Variants in TNFAIP8 observed in about 807,000 individuals in gnomAD.
The protein encoded by TNFAIP8 is TNF alpha induced protein 8, also known as tumor necrosis factor alpha-induced protein 8.
TNFAIP8 carries 7 observed loss-of-function variants against 13.3 expected under a neutral mutation model. The ratio of observed to expected loss-of-function variants is 0.52; its 90% confidence interval spans 0.30 to 0.99. The LOEUF (loss-of-function observed/expected upper bound fraction) is 0.99. Ranked by LOEUF, TNFAIP8 falls within the 50% of genes least tolerant of loss-of-function variation. The pLI is 0.07. For missense variants in TNFAIP8, 258 were observed against 236.9 expected (o/e 1.09, Z -0.58); for synonymous variants, 94 against 87.6 (o/e 1.07, Z -0.41).
chr5:119,390,119 A>C (rs1350373975), intron 1 of TNFAIP8, among the ~76,000 whole-genome samples: 1 of 152,234 alleles, frequency 6.6e-6, no homozygotes, highest in East Asian at 1.9e-4. Context: ...TCAATATTTC[A>C]CAACATAAAG....
At chr5:119,369,428 T>G (rs545462673) in intron 1 of TNFAIP8, among the ~76,000 whole-genome samples, 20 of 152,210 alleles carry the variant, frequency 1.3e-4, no homozygotes, top group African/African-American at 4.8e-4. Flanking sequence ...TCAAGACTCT[T>G]GGACCTGAAA....
intron 1 of TNFAIP8, among the ~76,000 whole-genome samples, chr5:119,347,297 A>G (rs1041530320): frequency 2.0e-5 from 3 of 152,208 alleles, no homozygotes; most frequent in Admixed American, 6.5e-5. Flanking sequence ...ATGGTAGCCA[A>G]TGTACCCATT....
At chr5:119,296,133 A>C (rs1475129312) in intron 1 of TNFAIP8, among the ~76,000 whole-genome samples, 18 of 149,004 alleles carry the variant, frequency 1.2e-4, no homozygotes, top group Non-Finnish European at 2.4e-4. Context: ...TCTCCTGCCT[A>C]ATTGCCCTGG....
intron 1 of TNFAIP8, among the ~76,000 whole-genome samples, chr5:119,344,214 C>G (rs1229852504): frequency 6.6e-6 from 1 of 152,194 alleles, no homozygotes; most frequent in Non-Finnish European, 1.5e-5. Context: ...GTTGAGGCTT[C>G]AGGAAGTTTT....
At chr5:119,309,486 C>T (rs542081087) in intron 1 of TNFAIP8, among the ~76,000 whole-genome samples, 1 of 152,238 alleles carries the variant, frequency 6.6e-6, no homozygotes, top group East Asian at 1.9e-4. Context: ...GTGGCTCGCT[C>T]CAGCACATTC....
At chr5:119,327,849 G>T (rs1338407225) in intron 1 of TNFAIP8, among the ~76,000 whole-genome samples, 1 of 152,158 alleles carries the variant, frequency 6.6e-6, no homozygotes, top group Admixed American at 6.5e-5. Flanking sequence ...GAGAAATTAA[G>T]TTACTATTTC....
At chr5:119,349,904 T>C (rs1751054197) in intron 1 of TNFAIP8, among the ~76,000 whole-genome samples, 1 of 152,236 alleles carries the variant, frequency 6.6e-6, no homozygotes, top group Non-Finnish European at 1.5e-5. Context: ...TTGGATTTTA[T>C]AGGAACAGTT....
intron 1 of TNFAIP8, among the ~76,000 whole-genome samples, chr5:119,301,022 AGTT>A (rs1458509674): frequency 3.9e-5 from 6 of 152,190 alleles, no homozygotes; most frequent in African/African-American, 1.4e-4. Context: ...TAGTGGAAAC[AGTT>A]GTTTGCAATT....
rs887453548 is a variant in TNFAIP8 at position 119,278,392 on chromosome 5, T to A, written c.1+9485T>A. On this transcript the variant is annotated intron_variant, in intron 1 of 1. Coordinates refer to the TNFAIP8 transcript ENST00000274456. ...GAGAGAGAGAGTGTGTGTGTGTGTGTGTGTGTGTGTGTGTGTGTGTGTGTG... is the reference window on the plus strand; with the variant it reads ...GAGAGAGAGAGTGTGTGTGTGTGTGAGTGTGTGTGTGTGTGTGTGTGTGTG... Among the ~76,000 whole-genome samples, 195 of 149,436 alleles carry A rather than the reference T, an allele frequency of 1.3e-3. 1 individual carries two copies. Among genetic ancestry groups the A allele is most frequent in the African/African-American group, 4.1e-3 (163 of 39,746 alleles).
intron 1 of TNFAIP8, among the ~76,000 whole-genome samples, chr5:119,378,694 C>G (rs187489537): frequency 3.7e-4 from 56 of 152,250 alleles, no homozygotes; most frequent in African/African-American, 1.3e-3. Context: ...GCTGGTTATT[C>G]TGTATGTTTT....
At chr5:119,386,526 T>C (rs1047185400) in intron 1 of TNFAIP8, among the ~76,000 whole-genome samples, 4 of 152,090 alleles carry the variant, frequency 2.6e-5, no homozygotes, top group African/African-American at 9.7e-5. Context: ...TGTTTTGTTT[T>C]GTTTTGTTTT....
At position 119,396,592 on chromosome 5, in the gene TNFAIP8, A is replaced by G. The variant is rs764106329; in HGVS notation, c.*3211A>G. The G allele has an allele frequency of 1.3e-5, 2 of 152,140 alleles. No homozygotes were observed. The highest frequency in any genetic ancestry group is 2.9e-5 in the Non-Finnish European group (2 of 68,034). 9.4% of individuals were successfully genotyped at this position (152,140 alleles called of 1,614,324 possible). Reference sequence around the variant, plus strand: ...GGCACGGCATCAGTTTCAAACTTCAACATTATTTTCCAGATTTGGAGGCTC... The same window carrying G: ...GGCACGGCATCAGTTTCAAACTTCAGCATTATTTTCCAGATTTGGAGGCTC... On this transcript the variant is annotated 3_prime_UTR_variant, in exon 2 of 2. Transcript: ENST00000504771.
chr5:119,318,833 T>G (rs1182058393), intron 1 of TNFAIP8, among the ~76,000 whole-genome samples: 1 of 152,154 alleles, frequency 6.6e-6, no homozygotes, highest in African/African-American at 2.4e-5. Flanking sequence ...CTATACTGGT[T>G]TTAAAAATTG....
chr5:119,330,767 C>T (rs536366474), intron 1 of TNFAIP8, among the ~76,000 whole-genome samples: 1 of 152,176 alleles, frequency 6.6e-6, no homozygotes, highest in South Asian at 2.1e-4. Flanking sequence ...CATGTGTTTG[C>T]AGAGAGATAG....
intron 1 of TNFAIP8, among the ~76,000 whole-genome samples, chr5:119,304,166 T>C (rs561837151): frequency 6.6e-6 from 1 of 152,276 alleles, no homozygotes; most frequent in South Asian, 2.1e-4. Context: ...TTGCCCAGGC[T>C]GGAGTGTAGT....
chr5:119,328,600 C>G (rs1280344651), intron 1 of TNFAIP8, among the ~76,000 whole-genome samples: 1 of 152,116 alleles, frequency 6.6e-6, no homozygotes, highest in Non-Finnish European at 1.5e-5. Context: ...AGGGAGGAAT[C>G]AGTGATGACT....
At chr5:119,348,535 G>A (rs571086913) in intron 1 of TNFAIP8, among the ~76,000 whole-genome samples, 2 of 152,204 alleles carry the variant, frequency 1.3e-5, no homozygotes, top group South Asian at 2.1e-4. Flanking sequence ...CTGGATGAAT[G>A]TCTGTTGCCG....
At chr5:119,372,322 C>CAAAAAAAAAA (rs67551765) in intron 1 of TNFAIP8, among the ~76,000 whole-genome samples, 1 of 112,120 alleles carries the variant, frequency 8.9e-6, no homozygotes, top group Non-Finnish European at 1.8e-5. Flanking sequence ...GACCCTGTCT[C>CAAAAAAAAAA]AAAAAAAAAA....
chr5:119,286,813 A>G (rs1008524244), intron 1 of TNFAIP8, among the ~76,000 whole-genome samples: 2 of 152,180 alleles, frequency 1.3e-5, no homozygotes, highest in Non-Finnish European at 2.9e-5. Context: ...CTCTAGCCTC[A>G]GTCTTCCCAC....
Sources: gnomAD v4.1 joint callset for allele counts (sites outside exome capture counted in the v4.1 genomes callset) on GRCh38, gnomAD v4.1.1 for gene constraint, MANE v1.5 for transcripts, NCBI Gene and HGNC (gene_info 2026-07-23, HGNC 2026-07-21) for gene names.